The following TYW1B variants were observed in gnomAD, a reference collection of about 807,000 sequenced individuals.
The protein encoded by TYW1B is tRNA-yW synthesizing protein 1 homolog B.
Under a neutral mutation model 86.9 loss-of-function variants are expected in TYW1B, and 73 were observed. The observed-to-expected ratio is 0.84, with a 90% CI of 0.70 to 1.02. The LOEUF (loss-of-function observed/expected upper bound fraction) is 1.02. TYW1B is among the 50% of genes least tolerant of loss of function. TYW1B has a pLI of 0.00. For synonymous variants in TYW1B, 248 were observed against 292.8 expected (o/e 0.85, Z 1.56); for missense variants, 637 against 827.4 (o/e 0.77, Z 2.82).
At position 72,698,620 on chromosome 7, in the gene TYW1B, T is replaced by C. The variant is rs181772636; in HGVS notation, c.1371-3798A>G. ...GAGATCACGCCACTGTACTCCAGCCTGGGCAACAGAGCAAGACTCCATCTC... is the reference window on the plus strand; with the variant it reads ...GAGATCACGCCACTGTACTCCAGCCCGGGCAACAGAGCAAGACTCCATCTC... On this transcript the variant is annotated intron_variant, in intron 10 of 13. Transcript: ENST00000620995. 5.4e-3 allele frequency among the ~76,000 whole-genome samples: 782 copies of C among 144,412 alleles called. 9 individuals are homozygous for C. The highest frequency in any genetic ancestry group is 0.018 in the African/African-American group (689 of 38,556). 94.7% of individuals were successfully genotyped at this position (144,412 alleles called of 152,430 possible). A position where few individuals can be genotyped will look rare whatever the true frequency, so the allele number is the denominator to read the frequency against.
intron 11 of TYW1B, among the ~76,000 whole-genome samples, chr7:72,683,273 A>G (rs1306826644): frequency 4.6e-5 from 7 of 152,148 alleles, no homozygotes; most frequent in African/African-American, 1.4e-4. Flanking sequence ...AGCCTCACTA[A>G]AAGACTGAGA....
At chr7:72,678,300 T>C (rs1461750584) in intron 11 of TYW1B, among the ~76,000 whole-genome samples, 1 of 152,132 alleles carries the variant, frequency 6.6e-6, no homozygotes, top group Non-Finnish European at 1.5e-5. Flanking sequence ...GGGATATTAT[T>C]TTCCACAGGA....
chr7:72,615,585 G>A (rs1231341748), intron 13 of TYW1B, among the ~76,000 whole-genome samples: 1 of 152,146 alleles, frequency 6.6e-6, no homozygotes, highest in African/African-American at 2.4e-5. Context: ...CAACATGAAT[G>A]AGAACCTGCA....
intron 7 of TYW1B, among the ~76,000 whole-genome samples, chr7:72,745,684 A>T (rs1787380604): frequency 6.6e-6 from 1 of 151,890 alleles, no homozygotes; most frequent in Non-Finnish European, 1.5e-5. Context: ...GTTACTAAAG[A>T]AGTGAAATCA....
At chr7:72,709,502 A>G in intron 10 of TYW1B, among the ~76,000 whole-genome samples, 1 of 151,986 alleles carries the variant, frequency 6.6e-6, no homozygotes, top group Non-Finnish European at 1.5e-5. Flanking sequence ...CCCTGTCTCT[A>G]CTAAAAATAC....
chr7:72,591,050 T>C (rs189211025), intron 13 of TYW1B, among the ~76,000 whole-genome samples: 95 of 151,180 alleles, frequency 6.3e-4, no homozygotes, highest in African/African-American at 2.1e-3. Flanking sequence ...ATAACTGAAA[T>C]GAAAAATTCA....
intron 11 of TYW1B, among the ~76,000 whole-genome samples, chr7:72,636,874 T>C (rs191767889): frequency 1.3e-5 from 2 of 152,296 alleles, no homozygotes; most frequent in African/African-American, 4.8e-5. Flanking sequence ...TTCTTAGAAT[T>C]TGGTATAAAT....
intron 11 of TYW1B, among the ~76,000 whole-genome samples, chr7:72,653,168 G>T (rs143996462): frequency 6.6e-6 from 1 of 152,050 alleles, no homozygotes; most frequent in Non-Finnish European, 1.5e-5. Context: ...AGTCAGAGCA[G>T]AAATCAATAA....
At chr7:72,699,998 A>G (rs1814422808) in intron 10 of TYW1B, among the ~76,000 whole-genome samples, 1 of 151,980 alleles carries the variant, frequency 6.6e-6, no homozygotes, top group Non-Finnish European at 1.5e-5. Flanking sequence ...AGAACTAATT[A>G]CATGTGTGTG....
At chr7:72,580,182 C>A (rs1394984254) in intron 13 of TYW1B, among the ~76,000 whole-genome samples, 2 of 152,144 alleles carry the variant, frequency 1.3e-5, no homozygotes, top group African/African-American at 4.8e-5. Flanking sequence ...CAAAACTGAA[C>A]CACATGTGCC....
At chr7:72,768,786 CAAAA>C in intron 7 of TYW1B, 2 of 134,056 alleles carry the variant, frequency 1.5e-5, no homozygotes, top group East Asian at 2.2e-4. Flanking sequence ...GACTCCATCT[CAAAA>C]AAAAAAAAAA....
chr7:72,588,872 G>A lies in TYW1B; in HGVS notation c.1786-13153C>T, dbSNP rs181647596. On this transcript the variant is annotated intron_variant, in intron 13 of 13. Transcript: ENST00000620995. Reference sequence around the variant, plus strand: ...CTGTCATCCAGGCTGGAGTACAGTGGTGCAATCTTGGCTCACTGCAACCTC... The same window carrying A: ...CTGTCATCCAGGCTGGAGTACAGTGATGCAATCTTGGCTCACTGCAACCTC... Among the ~76,000 whole-genome samples the A allele has an allele frequency of 1.9e-3, 286 of 152,058 alleles. 2 individuals carry two copies. Among genetic ancestry groups the A allele is most frequent in the African/African-American group, 6.6e-3 (275 of 41,462 alleles).
intron 11 of TYW1B, among the ~76,000 whole-genome samples, chr7:72,663,334 A>G (rs1464643082): frequency 6.6e-6 from 1 of 152,196 alleles, no homozygotes; most frequent in Non-Finnish European, 1.5e-5. Context: ...AATATCATTA[A>G]AAACAAATTG....
At chr7:72,621,071 C>T (rs1262107931) in intron 12 of TYW1B, among the ~76,000 whole-genome samples, 1 of 152,186 alleles carries the variant, frequency 6.6e-6, no homozygotes, top group African/African-American at 2.4e-5. Context: ...AAACCTCATG[C>T]TGAAATGTGA....
At chr7:72,785,939 G>A (rs193092277) in intron 6 of TYW1B, among the ~76,000 whole-genome samples, 11 of 151,838 alleles carry the variant, frequency 7.2e-5, no homozygotes, top group Non-Finnish European at 8.8e-5. Flanking sequence ...ATGGCGAGGC[G>A]CTGTCTCTAC....
chr7:72,636,534 A>T (rs1226964790), intron 11 of TYW1B, among the ~76,000 whole-genome samples: 1 of 152,204 alleles, frequency 6.6e-6, no homozygotes, highest in Non-Finnish European at 1.5e-5. Flanking sequence ...GATTTTAAAC[A>T]TTTACTCAAG....
At chr7:72,594,704 A>G (rs2129567908) in intron 13 of TYW1B, among the ~76,000 whole-genome samples, 3 of 152,288 alleles carry the variant, frequency 2.0e-5, no homozygotes, top group Admixed American at 2.0e-4. Flanking sequence ...TCGTACTGGA[A>G]GAAAACTGTA....
chr7:72,683,302 G>C (rs1554448717), intron 11 of TYW1B, among the ~76,000 whole-genome samples: 1 of 152,194 alleles, frequency 6.6e-6, no homozygotes, highest in African/African-American at 2.4e-5. Flanking sequence ...GGGCGCAGTG[G>C]CTCACACCTG....
At chr7:72,693,456 T>C (rs1419204848) in intron 11 of TYW1B, among the ~76,000 whole-genome samples, 2 of 147,720 alleles carry the variant, frequency 1.4e-5, no homozygotes, top group South Asian at 2.2e-4. Flanking sequence ...TCACCCACAC[T>C]GGAGTGCAGT....
Sources: gnomAD v4.1 joint callset for allele counts (sites outside exome capture counted in the v4.1 genomes callset) on GRCh38, gnomAD v4.1.1 for gene constraint, MANE v1.5 for transcripts, NCBI Gene and HGNC (gene_info 2026-07-23, HGNC 2026-07-21) for gene names.